Variants in SGTB observed in about 807,000 individuals in gnomAD.
SGTB encodes small glutamine-rich tetratricopeptide repeat-containing protein beta.
Under a neutral mutation model 43.9 loss-of-function variants are expected in SGTB, and 19 were observed. The ratio of observed to expected loss-of-function variants is 0.43; its 90% CI spans 0.30 to 0.63. The LOEUF (loss-of-function observed/expected upper bound fraction) is 0.63, where lower values mean the gene tolerates loss of function less well. Among genes scored for constraint, SGTB ranks in the 30% least tolerant of loss-of-function variants. The pLI, the probability that SGTB is intolerant of heterozygous loss-of-function variation, is 0.12. For synonymous variants in SGTB, 116 were observed against 117.3 expected (o/e 0.99, Z 0.07); for missense variants, 304 against 358.9 (o/e 0.85, Z 1.24).
intron 2 of SGTB, among the ~76,000 whole-genome samples, chr5:65,718,919 G>T (rs1758202041): frequency 6.6e-6 from 1 of 151,812 alleles, no homozygotes; most frequent in Admixed American, 6.6e-5. Context: ...GATTAGAAAA[G>T]AAACATCTTT....
Position 65,670,195 on chromosome 5 carries a change from T to C in SGTB, c.*51A>G, listed in dbSNP as rs757650130. ...GGGGGTACTATCTACAACAAATACT[T>C]CATTCATAGCCATAAACCATTTGTA... is the stretch of plus-strand genomic sequence containing the variant. On this transcript the variant is annotated 3_prime_UTR_variant, in exon 11 of 11. Coordinates refer to ENST00000381007, the MANE Select transcript of SGTB (RefSeq NM_019072.3). The C allele has an allele frequency of 1.9e-6, 3 of 1,538,918 alleles. No individual in the cohort carries two copies. In the African/African-American group the frequency reaches 4.1e-5, roughly 21 times the overall value.
At chr5:65,677,558 T>C (rs1378722665) in intron 8 of SGTB, among the ~76,000 whole-genome samples, 1 of 152,114 alleles carries the variant, frequency 6.6e-6, no homozygotes, top group East Asian at 1.9e-4. Context: ...TTCAGGCCAA[T>C]ATCCTTGATG....
Position 65,672,129 on chromosome 5 carries a change from T to G in SGTB, c.719+115A>C, listed in dbSNP as rs1757171189. 16 of 1,574,044 alleles carry G rather than the reference T, an allele frequency of 1.0e-5. No homozygotes were observed. The South Asian group carries it at 1.8e-4, about 18-fold the overall frequency. Reference sequence around the variant, plus strand: ...AGGCCAAATGTGTGTGGCTTTAAGCTCCAACTGACTGTCATTCAGAACAGT... The same window carrying G: ...AGGCCAAATGTGTGTGGCTTTAAGCGCCAACTGACTGTCATTCAGAACAGT... On this transcript the variant is annotated intron_variant, in intron 9 of 10. Coordinates refer to ENST00000381007, the MANE Select transcript of SGTB (RefSeq NM_019072.3).
At chr5:65,703,602 C>G (rs368816259) in intron 5 of SGTB, among the ~76,000 whole-genome samples, 8 of 152,052 alleles carry the variant, frequency 5.3e-5, no homozygotes, top group East Asian at 3.9e-4. Context: ...ACCTGTAGTC[C>G]ACCTGATGTC....
chr5:65,719,583 A>G (rs1389365652), intron 2 of SGTB, among the ~76,000 whole-genome samples: 1 of 152,174 alleles, frequency 6.6e-6, no homozygotes, highest in African/African-American at 2.4e-5. Flanking sequence ...ACAGAGCCAG[A>G]CAGACCCTGT....
intron 3 of SGTB, among the ~76,000 whole-genome samples, chr5:65,711,506 G>A (rs1273101556): frequency 1.3e-5 from 2 of 152,198 alleles, no homozygotes; most frequent in Non-Finnish European, 2.9e-5. Flanking sequence ...ACCATATCTA[G>A]CCACTGAAAC....
rs2150699514 is a variant in SGTB at position 65,668,087 on chromosome 5, G to T, written c.*2159C>A. The T allele has an allele frequency of 6.6e-6, 1 of 151,742 alleles. No homozygotes were observed. The highest frequency in any genetic ancestry group is 2.1e-4 in the South Asian group (1 of 4,792). The allele number at this position is 151,742 out of a possible 1,614,324, so 9.4% of individuals were successfully genotyped here. The stretch of plus-strand genomic sequence containing the variant: ...CATGCTTCAGCCTCCCAAGTAGCTG[G>T]GACTACGGGTGCCCGCCACCAAGCC... On this transcript the variant is annotated 3_prime_UTR_variant, in exon 11 of 11. Coordinates refer to ENST00000381007, the MANE Select transcript of SGTB (RefSeq NM_019072.3).
At chr5:65,712,238 G>A (rs1895418) in intron 3 of SGTB, among the ~76,000 whole-genome samples, 2 of 152,172 alleles carry the variant, frequency 1.3e-5, no homozygotes, top group Admixed American at 1.3e-4. Flanking sequence ...CACACCACTA[G>A]ACTGCAGGCT....
In SGTB at chr5:65,670,175, T is replaced by A; in HGVS notation, c.*71A>T. 1.2e-5 allele frequency: 16 copies of A among 1,333,696 alleles called. No homozygotes were observed. Among genetic ancestry groups the A allele is most frequent in the Non-Finnish European group, 1.7e-5 (16 of 941,892 alleles). 82.6% of individuals were successfully genotyped at this position (1,333,696 alleles called of 1,614,324 possible). ...TTGGTTTTTTGAAGGAGGGAGGGGG[T>A]ACTATCTACAACAAATACTTCATTC... On this transcript the variant is annotated 3_prime_UTR_variant, in exon 11 of 11. Coordinates refer to ENST00000381007, the MANE Select transcript of SGTB (RefSeq NM_019072.3).
At chr5:65,674,401 T>C (rs1225992800) in intron 8 of SGTB, among the ~76,000 whole-genome samples, 1 of 152,146 alleles carries the variant, frequency 6.6e-6, no homozygotes, top group African/African-American at 2.4e-5. Context: ...CTCACCTTGG[T>C]CCACAGGAAA....
At chr5:65,689,666 T>C (rs1374153644) in intron 5 of SGTB, among the ~76,000 whole-genome samples, 1 of 152,120 alleles carries the variant, frequency 6.6e-6, no homozygotes, top group East Asian at 1.9e-4. Context: ...TGCACACTTT[T>C]CTAAGAATAA....
At chr5:65,721,498 C>G (rs1440506718) in intron 1 of SGTB, among the ~76,000 whole-genome samples, 1 of 152,206 alleles carries the variant, frequency 6.6e-6, no homozygotes, top group African/African-American at 2.4e-5. Flanking sequence ...GGAATACTAT[C>G]GCATCCAAAC....
At chr5:65,673,919 G>C (rs1757213085) in intron 8 of SGTB, among the ~76,000 whole-genome samples, 1 of 152,156 alleles carries the variant, frequency 6.6e-6, no homozygotes, top group Non-Finnish European at 1.5e-5. Context: ...GCCTCCCAAA[G>C]TGCTGGGATT....
intron 8 of SGTB, among the ~76,000 whole-genome samples, chr5:65,677,255 T>C (rs979277393): frequency 6.7e-6 from 1 of 150,356 alleles, no homozygotes; most frequent in African/African-American, 2.5e-5. Context: ...CCTGGACACA[T>C]ACATCCTCCC....
chr5:65,677,014 CAA>C (rs34685401), intron 8 of SGTB, among the ~76,000 whole-genome samples: 2,668 of 134,376 alleles, frequency 0.02, 61 homozygotes, highest in African/African-American at 0.06. Context: ...GAAAACCCTT[CAA>C]AAAAAAAAAA....
chr5:65,688,128 C>T (rs986186006), intron 5 of SGTB, among the ~76,000 whole-genome samples: 2 of 152,060 alleles, frequency 1.3e-5, no homozygotes, highest in Non-Finnish European at 2.9e-5. Context: ...GAATTCACAA[C>T]ATTTATTGAG....
At chr5:65,670,436 T>A in intron 10 of SGTB, 79 bp from the exon 11 acceptor site, 1 of 1,211,354 alleles carries the variant, frequency 8.3e-7, no homozygotes, top group Non-Finnish European at 1.2e-6. Flanking sequence ...GCAGAAAATG[T>A]AGGAGCTACC....
chr5:65,703,833 C>T (rs1444802095), intron 5 of SGTB, among the ~76,000 whole-genome samples: 4 of 151,860 alleles, frequency 2.6e-5, no homozygotes, highest in East Asian at 1.9e-4. Context: ...GTCAGGGGAT[C>T]GAGACCATCC....
chr5:65,706,438 T>C (rs1005416808), intron 4 of SGTB, among the ~76,000 whole-genome samples: 2 of 152,192 alleles, frequency 1.3e-5, no homozygotes, highest in African/African-American at 4.8e-5. Context: ...AAGGTGTAGA[T>C]ATCATAATGT....
Sources: allele counts gnomAD v4.1 joint callset (sites outside exome capture counted in the v4.1 genomes callset), GRCh38; gene constraint gnomAD v4.1.1; transcripts MANE v1.5; gene names NCBI Gene and HGNC (gene_info 2026-07-23, HGNC 2026-07-21).